APBB2: variants seen among roughly 807,000 people sequenced by gnomAD.
APBB2 encodes amyloid beta precursor protein binding family B member 2.
APBB2 carries 38 observed loss-of-function variants against 82.5 expected under a neutral mutation model. The ratio of observed to expected loss-of-function variants is 0.46; its 90% CI spans 0.36 to 0.60. The LOEUF is 0.60. APBB2 is among the 20% of genes least tolerant of loss of function. The pLI, the probability that APBB2 is intolerant of heterozygous loss-of-function variation, is 0.00. For synonymous variants in APBB2, 341 were observed against 368.2 expected, an observed-to-expected ratio of 0.93 and a Z score of 0.85; for missense variants, 772 against 972.3, an observed-to-expected ratio of 0.79 and a Z score of 2.74.
At chr4:40,967,524 T>G (rs539175450) in intron 6 of APBB2, among the ~76,000 whole-genome samples, 35 of 152,304 alleles carry the variant, frequency 2.3e-4, no homozygotes, top group African/African-American at 8.4e-4. Context: ...TGGAAGTTAC[T>G]TGCAGTATGC....
chr4:41,016,863 C>T (rs1032973474), intron 5 of APBB2, among the ~76,000 whole-genome samples: 16 of 151,820 alleles, frequency 1.1e-4, no homozygotes, highest in Admixed American at 2.6e-4. Flanking sequence ...AGTTTATTTA[C>T]GTACTTATTA....
chr4:40,829,747 G>A (rs1751225041), intron 13 of APBB2, among the ~76,000 whole-genome samples: 1 of 152,140 alleles, frequency 6.6e-6, no homozygotes, highest in Non-Finnish European at 1.5e-5. Context: ...CGGAGGCTAG[G>A]CTGGTGACGC....
At position 40,926,308 on chromosome 4, in the gene APBB2, G is replaced by A. The variant is rs1351200010; in HGVS notation, c.1254+8148C>T. ...AGAATTTGCCCACAGGTACAGTAAC[G>A]TGTGAAAAGCACCGCAAAGGATTGG... is the stretch of plus-strand genomic sequence containing the variant. On this transcript the variant is annotated intron_variant, in intron 10 of 17. Coordinates refer to ENST00000508593, the MANE Select transcript of APBB2 (RefSeq NM_004307.2). Among the ~76,000 whole-genome samples, 5 of 152,168 alleles carry A rather than the reference G, an allele frequency of 3.3e-5. 1 individual carries two copies. Among genetic ancestry groups the A allele is most frequent in the Non-Finnish European group, 7.3e-5 (5 of 68,042 alleles).
At position 41,149,661 on chromosome 4, in the gene APBB2, C is replaced by G. The variant is rs140682445; in HGVS notation, c.-416-6519G>C. Among the ~76,000 whole-genome samples, 1,515 of 152,258 alleles carry G rather than the reference C, an allele frequency of 1.0e-2. 29 individuals carry two copies. The highest frequency in any genetic ancestry group is 0.034 in the African/African-American group (1,415 of 41,538). ...CAACTCCAGAGCAAGGGTTCCCAAA[C>G]CTGGGGTAATACGATTTGACTGTGT... On this transcript the variant is annotated intron_variant, in intron 1 of 17. Coordinates refer to ENST00000508593, the MANE Select transcript of APBB2 (RefSeq NM_004307.2).
intron 1 of APBB2, among the ~76,000 whole-genome samples, chr4:41,159,390 A>G (rs576996084): frequency 6.6e-6 from 1 of 152,348 alleles, no homozygotes; most frequent in Admixed American, 6.5e-5. Context: ...AGATCACAAT[A>G]TACACAGTAA....
At position 40,882,721 on chromosome 4, in the gene APBB2, C is replaced by T. The variant is rs112983635; in HGVS notation, c.1529+7643G>A. Among the ~76,000 whole-genome samples, 6 of 152,186 alleles carry T rather than the reference C, an allele frequency of 3.9e-5. 1 individual carries two copies. The highest frequency in any genetic ancestry group is 7.2e-5 in the African/African-American group (3 of 41,536). ...CCAGCCCCAGCATCACAAAGCTGAG[C>T]GGGGAAGTGTGGGTTTGGAGCTGAG... On this transcript the variant is annotated intron_variant, in intron 12 of 17. Transcript: ENST00000508593.
chr4:40,940,758 TAGGA>T (rs1786675833), intron 7 of APBB2, among the ~76,000 whole-genome samples: 1 of 152,168 alleles, frequency 6.6e-6, no homozygotes, highest in Non-Finnish European at 1.5e-5. Flanking sequence ...CTTTCTTCTG[TAGGA>T]AGACCAAAAC....
At chr4:40,932,916 T>A (rs1212877190) in intron 10 of APBB2, among the ~76,000 whole-genome samples, 2 of 152,198 alleles carry the variant, frequency 1.3e-5, no homozygotes, top group African/African-American at 4.8e-5. Flanking sequence ...CAGGCTGGAG[T>A]GCAGTGGCGC....
intron 3 of APBB2, among the ~76,000 whole-genome samples, chr4:41,093,404 C>T (rs1742445097): frequency 6.6e-6 from 1 of 152,094 alleles, no homozygotes; most frequent in Admixed American, 6.6e-5. Context: ...TTTTGGCTTC[C>T]TTTTAAGGGT....
chr4:41,075,047 T>C (rs1003924537), intron 3 of APBB2, among the ~76,000 whole-genome samples: 1 of 152,100 alleles, frequency 6.6e-6, no homozygotes, highest in African/African-American at 2.4e-5. Flanking sequence ...GCAGGAGGAC[T>C]GCTTGAGCCC....
chr4:41,014,586 G>T, intron 5 of APBB2, 188 bp from the exon 6 acceptor site: 1 of 599,408 alleles, frequency 1.7e-6, no homozygotes, highest in Non-Finnish European at 2.8e-6. Flanking sequence ...CAAATAAAGG[G>T]CTTAACGTGG....
intron 6 of APBB2, among the ~76,000 whole-genome samples, chr4:40,978,169 A>G (rs1207621389): frequency 1.3e-5 from 2 of 152,228 alleles, no homozygotes; most frequent in African/African-American, 4.8e-5. Flanking sequence ...GCCCAGACCC[A>G]AGTCAGCAAG....
chr4:40,811,211 C>T lies in APBB2; in HGVS notation c.*4881G>A, dbSNP rs1039441055. On this transcript the variant is annotated 3_prime_UTR_variant, in exon 18 of 18. Transcript: ENST00000508593. ...TGCAGTTTTCTTCTTTGAGAATCTT[C>T]TATGAAGGACAGGATTATTTAAATA... 1 of 152,114 alleles carries T rather than the reference C, an allele frequency of 6.6e-6. No homozygotes were observed. Among genetic ancestry groups the T allele is most frequent in the African/African-American group, 2.4e-5 (1 of 41,416 alleles). The allele number at this position is 152,114 out of a possible 1,614,324, so 9.4% of individuals were successfully genotyped here. A position where few individuals can be genotyped will look rare whatever the true frequency, so the allele number is the denominator to read the frequency against.
intron 1 of APBB2, among the ~76,000 whole-genome samples, chr4:41,147,254 A>C (rs1475319996): frequency 6.6e-6 from 1 of 152,212 alleles, no homozygotes; most frequent in African/African-American, 2.4e-5. Context: ...AATAACCTCT[A>C]ACCCAAGAAT....
intron 6 of APBB2, among the ~76,000 whole-genome samples, chr4:40,994,149 C>T (rs972832093): frequency 5.3e-5 from 8 of 151,892 alleles, no homozygotes; most frequent in African/African-American, 1.7e-4. Flanking sequence ...TAGCCGGGCA[C>T]GGTAGCGGGC....
chr4:41,023,462 C>G (rs1712593223), intron 5 of APBB2, among the ~76,000 whole-genome samples: 1 of 152,086 alleles, frequency 6.6e-6, no homozygotes, highest in Admixed American at 6.6e-5. Flanking sequence ...GCTCTTTCGG[C>G]TGATAAACAA....
At chr4:40,856,694 GC>G (rs11285385) in intron 12 of APBB2, among the ~76,000 whole-genome samples, 26,668 of 152,224 alleles carry the variant, frequency 0.18, 2,438 homozygotes, top group African/African-American at 0.2. Context: ...CGGCAGAAAT[GC>G]CCCGTGCAGA....
At chr4:41,025,873 T>C (rs74488205) in intron 5 of APBB2, among the ~76,000 whole-genome samples, 5,556 of 103,362 alleles carry the variant, frequency 0.054, 280 homozygotes, top group African/African-American at 0.15. Flanking sequence ...GGTTGGGGGG[T>C]GGAGGTGGCA....
At chr4:41,040,491 A>G (rs12644819) in intron 4 of APBB2, among the ~76,000 whole-genome samples, 24,232 of 152,180 alleles carry the variant, frequency 0.16, 1,938 homozygotes, top group Middle Eastern at 0.22. Flanking sequence ...CAGCAACCCT[A>G]TGAAAAAGAT....
Sources: gnomAD v4.1 joint callset for allele counts (sites outside exome capture counted in the v4.1 genomes callset) on GRCh38, gnomAD v4.1.1 for gene constraint, MANE v1.5 for transcripts, NCBI Gene and HGNC (gene_info 2026-07-23, HGNC 2026-07-21) for gene names.